KIF14: variants seen among roughly 807,000 people sequenced by gnomAD.
The protein encoded by KIF14 is kinesin-like protein KIF14.
KIF14 carries 98 observed loss-of-function variants against 176.2 expected under a neutral mutation model. That is an observed-to-expected ratio of 0.56 (90% CI 0.47 to 0.66). The LOEUF (loss-of-function observed/expected upper bound fraction) is 0.66. Among genes scored for constraint, KIF14 ranks in the 30% least tolerant of loss-of-function variants. The probability of loss-of-function intolerance (pLI) is 0.00; values close to 1 mark genes in which losing one functional copy is unlikely to be tolerated. For synonymous variants in KIF14, 566 were observed against 632.2 expected (o/e 0.90, Z 1.57); for missense variants, 1,751 against 1,920.4 (o/e 0.91, Z 1.65).
intron 23 of KIF14, among the ~76,000 whole-genome samples, chr1:200,568,020 A>T (rs550837592): frequency 1.3e-5 from 2 of 152,218 alleles, no homozygotes; most frequent in African/African-American, 2.4e-5. Flanking sequence ...TTTTAGAAAG[A>T]CCTGCAAAAA....
chr1:200,586,260 T>C (rs1364358783), intron 18 of KIF14, 33 bp from the exon 19 acceptor site: 1 of 1,491,150 alleles, frequency 6.7e-7, no homozygotes, highest in Non-Finnish European at 9.0e-7. Context: ...GACCCACATG[T>C]GAGAATATGC....
intron 14 of KIF14, among the ~76,000 whole-genome samples, chr1:200,595,555 C>T (rs1490153633): frequency 6.6e-6 from 1 of 152,076 alleles, no homozygotes; most frequent in East Asian, 1.9e-4. Context: ...TGTATCTTTG[C>T]CACAGATGTT....
Position 200,605,403 on chromosome 1 carries a change from A to T in KIF14, c.1639-13T>A, listed in dbSNP as rs776525363. The T allele has an allele frequency of 1.3e-6, 2 of 1,580,932 alleles. No homozygotes were observed. The highest frequency in any genetic ancestry group is 4.5e-5 in the East Asian group (2 of 44,652). On this transcript the variant is annotated splice_polypyrimidine_tract_variant and intron_variant, in intron 7 of 29. Transcript: ENST00000367350. ...ATTCTAGCCAACTCTTATAAGAAAA[A>T]AGGAAGGAAGATCAGATCAGCAGAC...
intron 28 of KIF14, among the ~76,000 whole-genome samples, chr1:200,555,147 A>G (rs1413762561): frequency 2.0e-5 from 3 of 152,156 alleles, no homozygotes; most frequent in South Asian, 2.1e-4. Context: ...ACCAGTAGCA[A>G]TAAGAAACAG....
At chr1:200,581,697 T>C (rs1179299497) in intron 19 of KIF14, among the ~76,000 whole-genome samples, 1 of 151,402 alleles carries the variant, frequency 6.6e-6, no homozygotes, top group Non-Finnish European at 1.5e-5. Context: ...TTAAAAAATG[T>C]ATATATATAT....
intron 25 of KIF14, 32 bp from the exon 26 acceptor site, chr1:200,560,912 T>A: frequency 6.3e-7 from 1 of 1,586,102 alleles, no homozygotes; most frequent in Middle Eastern, 1.7e-4. Context: ...GTGTATCAGA[T>A]ACATGAGATT....
rs192124473 is a variant in KIF14 at position 200,613,014 on chromosome 1, A to G, written c.1455+1304T>C. Among the ~76,000 whole-genome samples the G allele has an allele frequency of 2.2e-3, 325 of 150,808 alleles. 1 individual carries two copies. The highest frequency in any genetic ancestry group is 7.6e-3 in the African/African-American group (311 of 40,942). On this transcript the variant is annotated intron_variant, in intron 4 of 29. Transcript: ENST00000367350. ...GCGATTCTCCTGCCTCAGCCTCCCA[A>G]GTAGATGGGATTACAGGCATGTGCC...
At chr1:200,619,955 C>A (rs1660604446) in intron 1 of KIF14, among the ~76,000 whole-genome samples, 1 of 152,160 alleles carries the variant, frequency 6.6e-6, no homozygotes, top group African/African-American at 2.4e-5. Context: ...CAACTCCTTA[C>A]AAGGATGTAA....
At chr1:200,619,631 G>A (rs2102797348) in intron 1 of KIF14, among the ~76,000 whole-genome samples, 1 of 152,336 alleles carries the variant, frequency 6.6e-6, no homozygotes, top group South Asian at 2.1e-4. Flanking sequence ...GATTACAGGC[G>A]TGAGCCACCG....
intron 19 of KIF14, among the ~76,000 whole-genome samples, chr1:200,584,805 ACT>A (rs1029271057): frequency 6.6e-6 from 1 of 152,206 alleles, no homozygotes; most frequent in Non-Finnish European, 1.5e-5. Flanking sequence ...AAGGATGCCT[ACT>A]CTCACCACTT....
In KIF14 at chr1:200,617,922, T is replaced by C. The variant is rs766526291; in HGVS notation, c.802A>G (p.Asn268Asp). 4 of 1,613,878 alleles carry C rather than the reference T, an allele frequency of 2.5e-6. No homozygotes were observed. The African/African-American group carries it at 4.0e-5, about 16-fold the overall frequency. ...SIGKEIAKTS[N>D]KFGSLEKRTP... ...CTTTTTTCTAAGCTCCCAAATTTAT[T>C]TGAAGTTTTTGCAATTTCCTTCCCA... The change falls in exon 2 of 30, where the codon AAT becomes GAT. Residue 268 changes from asparagine (N) to aspartate (D), a missense_variant. Coordinates refer to ENST00000367350, the MANE Select transcript of KIF14 (RefSeq NM_014875.3).
At chr1:200,586,024 G>T in intron 19 of KIF14, 77 bp downstream of exon 19, 1 of 1,035,458 alleles carries the variant, frequency 9.7e-7, no homozygotes, top group Non-Finnish European at 1.3e-6. Flanking sequence ...GGCAACTAAT[G>T]CTAATATTTT....
At chr1:200,572,501 C>T (rs61380878) in intron 22 of KIF14, among the ~76,000 whole-genome samples, 17,994 of 151,988 alleles carry the variant, frequency 0.12, 3,004 homozygotes, top group African/African-American at 0.37. Flanking sequence ...CCCAACACCA[C>T]GCCCAGCTAA....
At position 200,554,502 on chromosome 1, in the gene KIF14, C is replaced by T; in HGVS notation, c.4533G>A (p.Glu1511=). The T allele has an allele frequency of 6.5e-7, 1 of 1,543,318 alleles. No individual in the cohort carries two copies. Among genetic ancestry groups the T allele is most frequent in the Non-Finnish European group, 8.9e-7 (1 of 1,119,606 alleles). The change falls in exon 29 of 30, where the codon GAG becomes GAA. Residue 1511 remains glutamate (E), a synonymous_variant. Coordinates refer to ENST00000367350, the MANE Select transcript of KIF14 (RefSeq NM_014875.3). Reference sequence around the variant, plus strand: ...CAGAAATAATAATTTCAATAGCTTTCTCTAAGCAATGTTTTAACTTTAAGA... The same window carrying T: ...CAGAAATAATAATTTCAATAGCTTTTTCTAAGCAATGTTTTAACTTTAAGA... ...PEFLKLKHCL[E]KAIEIIISAL... is the part of the protein sequence containing the mutation.
In KIF14 at chr1:200,608,926, G is replaced by A. The variant is rs746229842; in HGVS notation, c.1458C>T (p.Val486=). 1 of 1,549,404 alleles carries A rather than the reference G, an allele frequency of 6.5e-7. No homozygotes were observed. The highest frequency in any genetic ancestry group is 1.1e-5 in the South Asian group (1 of 88,326). The change falls in exon 5 of 30, where the codon GTC becomes GTT. Residue 486 remains valine (V), a splice_region_variant and synonymous_variant. Coordinates refer to ENST00000367350, the MANE Select transcript of KIF14 (RefSeq NM_014875.3). ...SQVARKQTQE[V]SYHIEMSFFE... is the part of the protein sequence containing the mutation. ...AGAAGCTCATTTCAATGTGATAGCT[G>A]ACCTAGTAGGAATAGAAACACAGCA...
chr1:200,573,910 AC>A (rs1215090421), intron 22 of KIF14, among the ~76,000 whole-genome samples: 1 of 152,200 alleles, frequency 6.6e-6, no homozygotes, highest in East Asian at 1.9e-4. Flanking sequence ...GAAGGATGCT[AC>A]CCTTTCATAT....
Position 200,603,255 on chromosome 1 carries a change from A to G in KIF14, c.1950T>C (p.Phe650=), listed in dbSNP as rs772275679. 21 of 1,606,926 alleles carry G rather than the reference A, an allele frequency of 1.3e-5. No homozygotes were observed. In the South Asian group the frequency reaches 1.8e-4, roughly 14 times the overall value. The change falls in exon 10 of 30, where the codon TTT becomes TTC. Residue 650 remains phenylalanine, a synonymous_variant. Transcript: ENST00000367350. Reference sequence around the variant, plus strand: ...TAAGAACAGATTCACGATAAGGAATAAAAACACTCCTTTGGTTTGCTTGTT... The same window carrying G: ...TAAGAACAGATTCACGATAAGGAATGAAAACACTCCTTTGGTTTGCTTGTT... The part of the protein sequence containing the change: ...LSEQANQRSV[F]IPYRESVLTW...
rs774753490 is a variant in KIF14 at position 200,554,525 on chromosome 1, AG to A, written c.4509del (p.Leu1504Ter). On this transcript the variant is annotated frameshift_variant, in exon 29 of 30. Transcript: ENST00000367350. LOFTEE classifies it high-confidence loss of function. ...FKRMVNRAPEFLKLKHCLEKA... is the reference protein window; with the variant it reads ...FKRMVNRAPEXLKLKHCLEKA... ...TTCTCTAAGCAATGTTTTAACTTTA[AG>A]AATTCTGGAGCACGATTAACCATCC... 21 of 1,547,872 alleles carry A rather than the reference AG, an allele frequency of 1.4e-5. No individual in the cohort carries two copies. The Admixed American group carries it at 3.0e-4, about 22-fold the overall frequency.
intron 9 of KIF14, 100 bp downstream of exon 9, chr1:200,603,739 G>T (rs976585745): frequency 5.6e-6 from 4 of 716,046 alleles, no homozygotes. Context: ...TGCAGATAAA[G>T]ATATATTTGG....
Sources: allele counts gnomAD v4.1 joint callset (sites outside exome capture counted in the v4.1 genomes callset), GRCh38; gene constraint gnomAD v4.1.1; transcripts MANE v1.5; gene names NCBI Gene and HGNC (gene_info 2026-07-23, HGNC 2026-07-21).